Variants in MMS22L observed in about 807,000 individuals in gnomAD.
MMS22L encodes the protein MMS22 like, DNA repair protein, also known as protein MMS22-like.
Under a neutral mutation model 159.1 loss-of-function variants are expected in MMS22L, and 74 were observed. The ratio of observed to expected loss-of-function variants is 0.47; its 90% confidence interval spans 0.39 to 0.56. MMS22L has a LOEUF of 0.56. Among genes scored for constraint, MMS22L ranks in the 20% least tolerant of loss-of-function variants. MMS22L has a pLI of 0.00. For synonymous variants in MMS22L, 517 were observed against 506.9 expected (o/e 1.02, Z -0.27); for missense variants, 1,351 against 1,422.1 (o/e 0.95, Z 0.80).
intron 19 of MMS22L, among the ~76,000 whole-genome samples, chr6:97,172,543 T>C (rs1237736542): frequency 2.0e-5 from 3 of 152,216 alleles, no homozygotes; most frequent in Non-Finnish European, 4.4e-5. Flanking sequence ...TAAAGAAAGA[T>C]AAACTCCATT....
chr6:97,233,113 C>T lies in MMS22L; in HGVS notation c.1302+748G>A, dbSNP rs80101375. Among the ~76,000 whole-genome samples the T allele has an allele frequency of 5.1e-3, 773 of 152,022 alleles. 6 individuals are homozygous for T. Among genetic ancestry groups the T allele is most frequent in the African/African-American group, 0.017 (717 of 41,502 alleles). On this transcript the variant is annotated intron_variant, in intron 12 of 24. Coordinates refer to ENST00000683635, the MANE Select transcript of MMS22L (RefSeq NM_001350599.2). ...CAAACACATACCTAAGTCACATCCT[C>T]GCTATTTAGTGTCTCCTGAATAAAC...
intron 10 of MMS22L, among the ~76,000 whole-genome samples, chr6:97,250,782 C>T (rs1217881555): frequency 2.0e-5 from 3 of 152,046 alleles, no homozygotes; most frequent in Non-Finnish European, 4.4e-5. Flanking sequence ...AAGCAGTTCA[C>T]GTTTAAAAAC....
chr6:97,245,386 T>C (rs1291249103), intron 11 of MMS22L, among the ~76,000 whole-genome samples: 1 of 152,164 alleles, frequency 6.6e-6, no homozygotes, highest in African/African-American at 2.4e-5. Flanking sequence ...ATCCAGACTT[T>C]ACTGAAATTC....
At chr6:97,200,616 G>GA (rs113939263) in intron 14 of MMS22L, among the ~76,000 whole-genome samples, 36 of 151,008 alleles carry the variant, frequency 2.4e-4, no homozygotes, top group Non-Finnish European at 2.2e-4. Flanking sequence ...ATCTCCTGAT[G>GA]AAAAAAAAAT....
intron 14 of MMS22L, among the ~76,000 whole-genome samples, chr6:97,197,764 T>A (rs1806696163): frequency 6.6e-6 from 1 of 152,112 alleles, no homozygotes; most frequent in South Asian, 2.1e-4. Context: ...AGCAACAGTG[T>A]GAACAAAATA....
At chr6:97,185,021 C>A (rs950153115) in intron 15 of MMS22L, among the ~76,000 whole-genome samples, 1 of 152,156 alleles carries the variant, frequency 6.6e-6, no homozygotes, top group African/African-American at 2.4e-5. Context: ...ACACACCAGA[C>A]ATGTTCTTGC....
intron 13 of MMS22L, chr6:97,230,254 G>T (rs530834011): frequency 6.8e-6 from 1 of 148,066 alleles, no homozygotes; most frequent in Non-Finnish European, 1.5e-5. Context: ...GCACCACCAC[G>T]CTTGGCTATT....
At chr6:97,153,528 C>T (rs1409569179) in intron 22 of MMS22L, among the ~76,000 whole-genome samples, 19 of 151,794 alleles carry the variant, frequency 1.3e-4, no homozygotes, top group African/African-American at 3.1e-4. Flanking sequence ...CATGCCACCA[C>T]GCCCGGCTAA....
chr6:97,180,259 G>A (rs966565487), intron 16 of MMS22L, among the ~76,000 whole-genome samples: 2 of 152,024 alleles, frequency 1.3e-5, no homozygotes, highest in Non-Finnish European at 2.9e-5. Context: ...CCGCCACCAT[G>A]CCCGGCTAAT....
chr6:97,166,609 GAATA>G (rs1802983302), intron 20 of MMS22L, among the ~76,000 whole-genome samples: 2 of 148,886 alleles, frequency 1.3e-5, no homozygotes, highest in Non-Finnish European at 3.0e-5. Flanking sequence ...AGTAATAAAT[GAATA>G]TTTTCTGAAA....
At chr6:97,211,960 A>T (rs1181692064) in intron 14 of MMS22L, among the ~76,000 whole-genome samples, 1 of 152,208 alleles carries the variant, frequency 6.6e-6, no homozygotes, top group Non-Finnish European at 1.5e-5. Flanking sequence ...TCTATATGAC[A>T]TAGTGTAGCT....
In MMS22L at chr6:97,229,078, T is replaced by C; in HGVS notation, c.1855A>G (p.Thr619Ala). 1 of 1,613,926 alleles carries C rather than the reference T, an allele frequency of 6.2e-7. No homozygotes were observed. The highest frequency in any genetic ancestry group is 1.1e-5 in the South Asian group (1 of 91,074). The change falls in exon 14 of 25, where the codon ACT becomes GCT. Residue 619 changes from threonine to alanine, a missense_variant. Coordinates refer to ENST00000683635, the MANE Select transcript of MMS22L (RefSeq NM_001350599.2). The stretch of plus-strand genomic sequence containing the variant: ...TATATGGAAAGAAGGGTCCAGATAG[T>C]CTGTCTCTGTACCATTTCCTCATTC... ...SKNEEMVQRQTIWTLLSIYID... is the reference protein window; with the variant it reads ...SKNEEMVQRQAIWTLLSIYID...
In MMS22L at chr6:97,212,855, T is replaced by A. The variant is rs78594445; in HGVS notation, c.2039+16039A>T. 7.2e-3 allele frequency among the ~76,000 whole-genome samples: 1,103 copies of A among 152,292 alleles called. 16 individuals carry two copies. Among genetic ancestry groups the A allele is most frequent in the African/African-American group, 0.025 (1,031 of 41,554 alleles). On this transcript the variant is annotated intron_variant, in intron 14 of 24. Coordinates refer to ENST00000683635, the MANE Select transcript of MMS22L (RefSeq NM_001350599.2). ...ATATTAATGACCCACAAAATTGAAA[T>A]ACAGTGAATATCCCAGTTAGATAAG...
Position 97,281,242 on chromosome 6 carries a change from T to A in MMS22L, c.285A>T (p.Leu95Phe), listed in dbSNP as rs1243829808. 1.2e-6 allele frequency: 2 copies of A among 1,601,550 alleles called. No homozygotes were observed. The highest frequency in any genetic ancestry group is 2.7e-5 in the African/African-American group (2 of 74,274). Residue 95 changes from leucine (L) to phenylalanine (F), a missense_variant, in exon 3 of 25, where the codon TTA becomes TTT. Leu to Phe is a conservative substitution (Grantham distance 22). Coordinates refer to ENST00000683635, the MANE Select transcript of MMS22L (RefSeq NM_001350599.2). ...LVNSSRELFH[L>F]FRQQLYNLET... is the part of the protein sequence containing the mutation. ...AAGTTATAACGAAGAAATACCTGAA[T>A]AAATGAAAGAGTTCTCTAGATGAAT...
At chr6:97,252,009 G>A (rs904735167) in intron 10 of MMS22L, among the ~76,000 whole-genome samples, 3 of 151,848 alleles carry the variant, frequency 2.0e-5, no homozygotes, top group Admixed American at 2.0e-4. Flanking sequence ...CATGAACCCG[G>A]GAGGCGGAGC....
intron 15 of MMS22L, among the ~76,000 whole-genome samples, chr6:97,184,295 A>T (rs1347652931): frequency 6.6e-6 from 1 of 152,058 alleles, no homozygotes. Flanking sequence ...ACAAAGGAAT[A>T]CCCTAAGGCC....
chr6:97,255,978 TTC>T (rs762558707), intron 9 of MMS22L, among the ~76,000 whole-genome samples: 24 of 152,218 alleles, frequency 1.6e-4, no homozygotes, highest in Non-Finnish European at 2.6e-4. Context: ...CCTTGATATA[TTC>T]TGTTTTAGAA....
At chr6:97,198,004 C>T (rs2473107) in intron 14 of MMS22L, among the ~76,000 whole-genome samples, 36,680 of 152,026 alleles carry the variant, frequency 0.24, 5,433 homozygotes, top group East Asian at 0.78. Flanking sequence ...TTCTTTGACA[C>T]TTCTTGATTC....
At chr6:97,179,250 C>A (rs919885440) in intron 17 of MMS22L, among the ~76,000 whole-genome samples, 158 bp downstream of exon 17, 1 of 151,950 alleles carries the variant, frequency 6.6e-6, no homozygotes. Flanking sequence ...AACAAAAAAA[C>A]GGAAACAGGC....
Sources: allele counts gnomAD v4.1 joint callset (sites outside exome capture counted in the v4.1 genomes callset), GRCh38; gene constraint gnomAD v4.1.1; transcripts MANE v1.5; gene names NCBI Gene and HGNC (gene_info 2026-07-23, HGNC 2026-07-21).